Variants in SLC47A1 observed in about 807,000 individuals in gnomAD.
SLC47A1 encodes the protein solute carrier family 47 member 1.
SLC47A1 carries 58 observed loss-of-function variants against 65.8 expected under a neutral mutation model. That is an observed-to-expected ratio of 0.88 (90% CI 0.71 to 1.10). The LOEUF is 1.10. SLC47A1 is among the 50% of genes least tolerant of loss of function. SLC47A1 has a pLI of 0.00. For synonymous variants in SLC47A1, 285 were observed against 295.0 expected (o/e 0.97, Z 0.35); for missense variants, 706 against 719.2 (o/e 0.98, Z 0.21).
At chr17:19,573,779 G>T (rs190589458) in intron 16 of SLC47A1, among the ~76,000 whole-genome samples, 1 of 152,196 alleles carries the variant, frequency 6.6e-6, no homozygotes, top group East Asian at 1.9e-4. Context: ...CTTCAGAGAG[G>T]ATTTTCTTTT....
intron 12 of SLC47A1, among the ~76,000 whole-genome samples, chr17:19,566,580 C>T (rs1421227065): frequency 1.3e-5 from 2 of 152,088 alleles, no homozygotes; most frequent in African/African-American, 4.8e-5. Flanking sequence ...TACCCACCAC[C>T]AGGCCTGGCT....
chr17:19,538,857 T>C (rs1245818496), intron 1 of SLC47A1, among the ~76,000 whole-genome samples: 2 of 152,188 alleles, frequency 1.3e-5, no homozygotes, highest in Admixed American at 6.5e-5. Context: ...TTTATCTGAC[T>C]GCCAAGTTTG....
chr17:19,558,138 A>G (rs1008855512), intron 10 of SLC47A1, among the ~76,000 whole-genome samples: 2 of 152,162 alleles, frequency 1.3e-5, no homozygotes, highest in African/African-American at 4.8e-5. Flanking sequence ...AACAATACCA[A>G]TTGTTCTGGT....
At chr17:19,548,619 G>A (rs998173197) in intron 4 of SLC47A1, among the ~76,000 whole-genome samples, 1 of 151,326 alleles carries the variant, frequency 6.6e-6, no homozygotes, top group African/African-American at 2.4e-5. Context: ...CCTGCCTCAG[G>A]CTCCCGAGTA....
intron 16 of SLC47A1, among the ~76,000 whole-genome samples, 161 bp from the exon 17 acceptor site, chr17:19,577,166 G>A (rs2152318358): frequency 6.6e-6 from 1 of 152,186 alleles, no homozygotes; most frequent in East Asian, 1.9e-4. Context: ...GTGAGTGGAG[G>A]GGCACTCTGC....
chr17:19,566,811 T>C lies in SLC47A1; in HGVS notation c.1128T>C (p.Ala376=), dbSNP rs1280221228. The change falls in exon 13 of 17, where the codon GCT becomes GCC. Residue 376 remains alanine, a synonymous_variant. Transcript: ENST00000270570. Reference sequence around the variant, plus strand: ...ACAGAGACATCATTAATCTGGTGGCTCAGGTGGTTCCAATTTATGCTGTTT... The same window carrying C: ...ACAGAGACATCATTAATCTGGTGGCCCAGGTGGTTCCAATTTATGCTGTTT... ...TTDRDIINLV[A]QVVPIYAVSH... 6.2e-7 allele frequency: 1 copy of C among 1,614,068 alleles called. No individual in the cohort carries two copies. The highest frequency in any genetic ancestry group is 1.3e-5 in the African/African-American group (1 of 74,920).
At chr17:19,559,718 A>G (rs1225780375) in intron 10 of SLC47A1, among the ~76,000 whole-genome samples, 1 of 152,088 alleles carries the variant, frequency 6.6e-6, no homozygotes, top group Admixed American at 6.5e-5. Flanking sequence ...TTTTTAATAG[A>G]GATGGGGTTT....
intron 12 of SLC47A1, among the ~76,000 whole-genome samples, chr17:19,562,225 C>T (rs1357471703): frequency 5.9e-5 from 9 of 152,086 alleles, no homozygotes; most frequent in African/African-American, 1.9e-4. Flanking sequence ...GACTTCAGAT[C>T]GTAGGTTTTC....
rs1367431335 is a variant in SLC47A1 at position 19,548,183 on chromosome 17, A to T, written c.455+50A>T. On this transcript the variant is annotated intron_variant, in intron 4 of 16. Coordinates refer to ENST00000270570, the MANE Select transcript of SLC47A1 (RefSeq NM_018242.3). ...GACTTGGCGTCCATCCCACGGAAAG[A>T]TTATCCTGTCTGGGTGCAGCCAGGG... 1.9e-6 allele frequency: 3 copies of T among 1,582,898 alleles called. No homozygotes were observed. The Admixed American group carries it at 5.1e-5, about 27-fold the overall frequency.
At chr17:19,557,908 A>T (rs1303760824) in intron 10 of SLC47A1, 1 of 196,506 alleles carries the variant, frequency 5.1e-6, no homozygotes, top group African/African-American at 2.3e-5. Context: ...AAAAAAAAAA[A>T]AAAAAAGATT....
chr17:19,554,323 T>G (rs773157148), intron 6 of SLC47A1, among the ~76,000 whole-genome samples: 12 of 152,196 alleles, frequency 7.9e-5, no homozygotes, highest in Non-Finnish European at 1.6e-4. Flanking sequence ...GGTGGACAGA[T>G]GTAAAATGCC....
chr17:19,542,626 A>T (rs1597494318), intron 2 of SLC47A1, 132 bp downstream of exon 2: 2 of 665,456 alleles, frequency 3.0e-6, no homozygotes, highest in Non-Finnish European at 4.7e-6. Context: ...GGAGTGCAGA[A>T]GTCTGAAGTG....
At chr17:19,573,168 G>A (rs1261634618) in intron 16 of SLC47A1, among the ~76,000 whole-genome samples, 1 of 152,166 alleles carries the variant, frequency 6.6e-6, no homozygotes, top group Non-Finnish European at 1.5e-5. Flanking sequence ...ACTGACATTT[G>A]TTTGTTTTAA....
chr17:19,549,717 C>T (rs773253976), intron 5 of SLC47A1, 40 bp downstream of exon 5: 248 of 1,608,492 alleles, frequency 1.5e-4, no homozygotes, highest in Middle Eastern at 3.3e-4. Flanking sequence ...TCTTGGGGTC[C>T]GTGGGTGAAA....
intron 14 of SLC47A1, 129 bp from the exon 15 acceptor site, chr17:19,571,349 G>C (rs1287996046): frequency 6.8e-6 from 5 of 736,406 alleles, no homozygotes; most frequent in Non-Finnish European, 8.9e-6. Context: ...CTGGCCCGCT[G>C]TGGGCTCCAC....
chr17:19,533,963 GC>G lies in SLC47A1; in HGVS notation c.26del (p.Pro9GlnfsTer42). The G allele has an allele frequency of 4.6e-6, 7 of 1,534,318 alleles. No homozygotes were observed. Among genetic ancestry groups the G allele is most frequent in the Non-Finnish European group, 6.1e-6 (7 of 1,143,726 alleles). On this transcript the variant is annotated frameshift_variant, in exon 1 of 17. Coordinates refer to ENST00000270570, the MANE Select transcript of SLC47A1 (RefSeq NM_018242.3). LOFTEE classifies it high-confidence loss of function. The part of the protein sequence containing the change: MEAPEEPA[P>X]VRGGPEATLE... Reference sequence around the variant, plus strand: ...ACATGGAAGCTCCTGAGGAGCCCGCGCCAGTGCGCGGAGGCCCGGAGGCCAC... The same window carrying G: ...ACATGGAAGCTCCTGAGGAGCCCGCGCAGTGCGCGGAGGCCCGGAGGCCAC...
In SLC47A1 at chr17:19,575,379, G is replaced by A. The variant is rs535388880; in HGVS notation, c.1487-1948G>A. Among the ~76,000 whole-genome samples, 32 of 148,760 alleles carry A rather than the reference G, an allele frequency of 2.2e-4. No individual in the cohort carries two copies. In the East Asian group the frequency reaches 5.4e-3, roughly 25 times the overall value. The stretch of plus-strand genomic sequence containing the variant: ...TCATTTTTCTCTTCGGAAGCTTTTA[G>A]GACATTTTCTTATTATTATTCCTTT... On this transcript the variant is annotated intron_variant, in intron 16 of 16. Transcript: ENST00000270570.
intron 1 of SLC47A1, among the ~76,000 whole-genome samples, chr17:19,540,498 GAGA>G (rs1216671287): frequency 1.3e-5 from 2 of 152,184 alleles, no homozygotes; most frequent in Non-Finnish European, 2.9e-5. Context: ...ACAATTTAAA[GAGA>G]CACCAAGCTC....
At chr17:19,535,598 A>C (rs906142173) in intron 1 of SLC47A1, 4 of 151,604 alleles carry the variant, frequency 2.6e-5, no homozygotes, top group African/African-American at 9.7e-5. Context: ...AAAAATACAA[A>C]AAATAAAAAA....
Sources: gnomAD v4.1 joint callset for allele counts (sites outside exome capture counted in the v4.1 genomes callset) on GRCh38, gnomAD v4.1.1 for gene constraint, MANE v1.5 for transcripts, NCBI Gene and HGNC (gene_info 2026-07-23, HGNC 2026-07-21) for gene names.